KCNQ1: variants seen among roughly 807,000 people sequenced by gnomAD.
The protein encoded by KCNQ1 is potassium voltage-gated channel subfamily KQT member 1.
KCNQ1 carries 49 observed loss-of-function variants against 72.4 expected under a neutral mutation model. The observed-to-expected ratio is 0.68, with a 90% CI of 0.54 to 0.86. KCNQ1 has a LOEUF of 0.86. Among genes scored for constraint, KCNQ1 ranks in the 40% least tolerant of loss-of-function variants. The pLI is 0.00. For synonymous variants in KCNQ1, 450 were observed against 412.6 expected (o/e 1.09, Z -1.10); for missense variants, 790 against 945.1 (o/e 0.84, Z 2.15).
chr11:2,834,254 G>C (rs983996023), intron 15 of KCNQ1, among the ~76,000 whole-genome samples: 2 of 152,156 alleles, frequency 1.3e-5, no homozygotes, highest in East Asian at 3.9e-4. Context: ...ATGGTGTATG[G>C]CATGGTAGTG....
At position 2,446,378 on chromosome 11, in the gene KCNQ1, C is replaced by A. The variant is rs959769026; in HGVS notation, c.386+894C>A. ...GTGGTGCCAGCCTCTGGCCTGGGAG[C>A]CTCTACCCAGACATCCCATGGCTGA... On this transcript the variant is annotated intron_variant, in intron 1 of 15. Coordinates refer to ENST00000155840, the MANE Select transcript of KCNQ1 (RefSeq NM_000218.3). This position sits in a 1 kb window ranked among gnomAD's most constrained non-coding sequence, Gnocchi z 8.8. Among the ~76,000 whole-genome samples the A allele has an allele frequency of 1.3e-5, 2 of 152,188 alleles. No homozygotes were observed. Among genetic ancestry groups the A allele is most frequent in the African/African-American group, 4.8e-5 (2 of 41,442 alleles).
In KCNQ1 at chr11:2,674,745, A is replaced by G. The variant is rs1260248775; in HGVS notation, c.1514+12664A>G. 5.0e-6 allele frequency: 2 copies of G among 397,132 alleles called. No individual in the cohort carries two copies. Among genetic ancestry groups the G allele is most frequent in the Non-Finnish European group, 4.4e-6 (1 of 225,932 alleles). The allele number at this position is 397,132 out of a possible 1,614,324, so 24.6% of individuals were successfully genotyped here. On this transcript the variant is annotated intron_variant, in intron 11 of 15. Transcript: ENST00000155840. The surrounding 1 kb of genome is among the most constrained non-coding windows in gnomAD (Gnocchi z 5.9). ...AACTTAACTCGTTAAAGTTGCTCCA[A>G]TCCCAGCCCAGTGCCAGACCAGCTT...
Position 2,627,493 on chromosome 11 carries a change from C to G in KCNQ1, c.1394-34468C>G. On this transcript the variant is annotated intron_variant, in intron 10 of 15. Coordinates refer to ENST00000155840, the MANE Select transcript of KCNQ1 (RefSeq NM_000218.3). This position sits in a 1 kb window ranked among gnomAD's most constrained non-coding sequence, Gnocchi z 4.9. The stretch of plus-strand genomic sequence containing the variant: ...GACCCCTAGTAACCACCCTTCTACT[C>G]TCCGTTTCTCTGAGTTCAAGCTTTT... The G allele has an allele frequency of 2.5e-6, 1 of 398,550 alleles. No homozygotes were observed. The highest frequency in any genetic ancestry group is 4.4e-5 in the Admixed American group (1 of 22,730). 24.7% of individuals were successfully genotyped at this position (398,550 alleles called of 1,614,324 possible).
intron 15 of KCNQ1, among the ~76,000 whole-genome samples, chr11:2,833,756 GC>G (rs1848003245): frequency 6.6e-6 from 1 of 152,354 alleles, no homozygotes; most frequent in South Asian, 2.1e-4. Context: ...TGGGGCAAGT[GC>G]CCCGAGACGG....
intron 10 of KCNQ1, chr11:2,636,532 A>T (rs565492504): frequency 7.2e-5 from 11 of 152,298 alleles, no homozygotes; most frequent in African/African-American, 2.4e-4. Context: ...CCAGGGATGA[A>T]GCCCACTTGA....
Position 2,653,782 on chromosome 11 carries a change from C to T in KCNQ1, c.1394-8179C>T. On this transcript the variant is annotated intron_variant, in intron 10 of 15. Transcript: ENST00000155840. This position sits in a 1 kb window ranked among gnomAD's most constrained non-coding sequence, Gnocchi z 5.3. ...AGCTGGGGTACAAGCCATCCTTGGA[C>T]CTGCAGCTGTACCTCCGATGGCTGA... is the stretch of plus-strand genomic sequence containing the variant. The T allele has an allele frequency of 2.5e-6, 1 of 398,632 alleles. No homozygotes were observed. Among genetic ancestry groups the T allele is most frequent in the Non-Finnish European group, 4.4e-6 (1 of 226,088 alleles). The allele number at this position is 398,632 out of a possible 1,614,324, so 24.7% of individuals were successfully genotyped here. A position where few individuals can be genotyped will look rare whatever the true frequency, so the allele number is the denominator to read the frequency against.
Position 2,745,130 on chromosome 11 carries a change from C to T in KCNQ1, c.1515-23714C>T, listed in dbSNP as rs1333835186. Among the ~76,000 whole-genome samples, 1 of 152,168 alleles carries T rather than the reference C, an allele frequency of 6.6e-6. No individual in the cohort carries two copies. Among genetic ancestry groups the T allele is most frequent in the Non-Finnish European group, 1.5e-5 (1 of 68,034 alleles). On this transcript the variant is annotated intron_variant, in intron 11 of 15. Coordinates refer to ENST00000155840, the MANE Select transcript of KCNQ1 (RefSeq NM_000218.3). The surrounding 1 kb of genome is among the most constrained non-coding windows in gnomAD (Gnocchi z 6.2). ...TAAGTTTGACTTATCTGTTTGGGACCTTTATTCCTCCATGCCAACTTTAAA... is the reference window on the plus strand; with the variant it reads ...TAAGTTTGACTTATCTGTTTGGGACTTTTATTCCTCCATGCCAACTTTAAA...
At chr11:2,829,260 A>G (rs1400141043) in intron 15 of KCNQ1, among the ~76,000 whole-genome samples, 1 of 152,238 alleles carries the variant, frequency 6.6e-6, no homozygotes, top group Non-Finnish European at 1.5e-5. Flanking sequence ...ACAGCTGCTC[A>G]GCATGCCTAC....
At chr11:2,527,841 C>A in intron 1 of KCNQ1, 87 bp from the exon 2 acceptor site, 1 of 1,138,960 alleles carries the variant, frequency 8.8e-7, no homozygotes, top group Non-Finnish European at 1.3e-6. Flanking sequence ...GGGGGCGGGG[C>A]TGAGGCCAGG....
At position 2,647,554 on chromosome 11, in the gene KCNQ1, G is replaced by T; in HGVS notation, c.1394-14407G>T. ...AGAATTCCTTTCTCTTCAGTCTTTT[G>T]GAATTGTCTGAGAAGAATTCATGTT... On this transcript the variant is annotated intron_variant, in intron 10 of 15. Transcript: ENST00000155840. This position sits in a 1 kb window ranked among gnomAD's most constrained non-coding sequence, Gnocchi z 4.0. 5.0e-6 allele frequency: 2 copies of T among 398,478 alleles called. No individual in the cohort carries two copies. Among genetic ancestry groups the T allele is most frequent in the South Asian group, 1.3e-4 (1 of 7,850 alleles). The allele number at this position is 398,478 out of a possible 1,614,324, so 24.7% of individuals were successfully genotyped here.
intron 1 of KCNQ1, among the ~76,000 whole-genome samples, chr11:2,503,702 A>G (rs1032870604): frequency 5.3e-5 from 8 of 152,330 alleles, no homozygotes; most frequent in Admixed American, 3.3e-4. Context: ...ATAATAAAAA[A>G]ACAAATGACA....
At chr11:2,449,137 G>A (rs1190010175) in intron 1 of KCNQ1, among the ~76,000 whole-genome samples, 2 of 152,204 alleles carry the variant, frequency 1.3e-5, no homozygotes, top group African/African-American at 2.4e-5. Flanking sequence ...CAGGGTCCTG[G>A]GCCTTCTGAG....
intron 1 of KCNQ1, among the ~76,000 whole-genome samples, chr11:2,503,834 G>T: frequency 6.6e-6 from 1 of 152,176 alleles, no homozygotes; most frequent in East Asian, 1.9e-4. Flanking sequence ...GGCAATAATG[G>T]ATGCTAGTGA....
chr11:2,661,737 T>C lies in KCNQ1; in HGVS notation c.1394-224T>C, dbSNP rs944281439. 1.6e-6 allele frequency: 1 copy of C among 620,596 alleles called. No homozygotes were observed. Among genetic ancestry groups the C allele is most frequent in the Non-Finnish European group, 2.9e-6 (1 of 346,104 alleles). The allele number at this position is 620,596 out of a possible 1,614,324, so 38.4% of individuals were successfully genotyped here. ...GCACAGTTACCACTCCGAAGATGATTCACTGGCCTTTATTCTCCTCAGACA... is the reference window on the plus strand; with the variant it reads ...GCACAGTTACCACTCCGAAGATGATCCACTGGCCTTTATTCTCCTCAGACA... On this transcript the variant is annotated intron_variant, in intron 10 of 15. Coordinates refer to ENST00000155840, the MANE Select transcript of KCNQ1 (RefSeq NM_000218.3). The surrounding 1 kb of genome is among the most constrained non-coding windows in gnomAD (Gnocchi z 5.9).
rs1847148780 is a variant in KCNQ1 at position 2,508,918 on chromosome 11, G to C, written c.387-19010G>C. On this transcript the variant is annotated intron_variant, in intron 1 of 15. Transcript: ENST00000155840. This position sits in a 1 kb window ranked among gnomAD's most constrained non-coding sequence, Gnocchi z 6.2. ...TGTGGGCACTGGAGGGCACCCTACA[G>C]TCACAGAGGCAAACGAAGAATGTAG... Among the ~76,000 whole-genome samples, 1 of 152,224 alleles carries C rather than the reference G, an allele frequency of 6.6e-6. No homozygotes were observed. Among genetic ancestry groups the C allele is most frequent in the Non-Finnish European group, 1.5e-5 (1 of 68,042 alleles).
chr11:2,823,896 A>G (rs1432290123), intron 15 of KCNQ1, among the ~76,000 whole-genome samples: 1 of 152,150 alleles, frequency 6.6e-6, no homozygotes, highest in Non-Finnish European at 1.5e-5. Flanking sequence ...CTTAAGCCTC[A>G]CCTTCATACA....
chr11:2,719,330 C>G (rs1201170845), intron 11 of KCNQ1, among the ~76,000 whole-genome samples: 1 of 19,674 alleles, frequency 5.1e-5, no homozygotes, highest in African/African-American at 2.3e-4. Flanking sequence ...TCTGTCTCTA[C>G]CAAAAAAAAA....
At position 2,491,987 on chromosome 11, in the gene KCNQ1, C is replaced by G. The variant is rs879936506; in HGVS notation, c.387-35941C>G. 3.3e-5 allele frequency among the ~76,000 whole-genome samples: 5 copies of G among 152,092 alleles called. No individual in the cohort carries two copies. The highest frequency in any genetic ancestry group is 3.3e-4 in the Admixed American group (5 of 15,256). On this transcript the variant is annotated intron_variant, in intron 1 of 15. Transcript: ENST00000155840. This position sits in a 1 kb window ranked among gnomAD's most constrained non-coding sequence, Gnocchi z 4.1. ...GAATAGTATATCTGGTGAAAATATC[C>G]TTCCAACATGAAGGAGAAATACAGA... is the stretch of plus-strand genomic sequence containing the variant.
At chr11:2,573,697 G>A (rs1254246022) in intron 6 of KCNQ1, among the ~76,000 whole-genome samples, 1 of 152,158 alleles carries the variant, frequency 6.6e-6, no homozygotes, top group Non-Finnish European at 1.5e-5. Flanking sequence ...AAGCCGGTGT[G>A]CAGCAGGCAG....
Sources: allele counts gnomAD v4.1 joint callset (sites outside exome capture counted in the v4.1 genomes callset), GRCh38; gene constraint gnomAD v4.1.1; non-coding constraint Gnocchi (gnomAD v3.1); transcripts MANE v1.5; gene names NCBI Gene and HGNC (gene_info 2026-07-23, HGNC 2026-07-21).